The following KMO variants were observed in gnomAD, a reference collection of about 807,000 sequenced individuals.
KMO encodes kynurenine 3-monooxygenase, also known as kynurenine 3-hydroxylase.
A neutral mutation model predicts 57.8 loss-of-function variants in KMO; 24 were observed. The ratio of observed to expected loss-of-function variants is 0.42; its 90% CI spans 0.30 to 0.58. The LOEUF (loss-of-function observed/expected upper bound fraction) is 0.58, where lower values mean the gene tolerates loss of function less well. Among genes scored for constraint, KMO ranks in the 20% least tolerant of loss-of-function variants. The pLI, the probability that KMO is intolerant of heterozygous loss-of-function variation, is 0.22. For synonymous variants in KMO, 210 were observed against 193.6 expected, an observed-to-expected ratio of 1.08 and a Z score of -0.70; for missense variants, 483 against 588.2, an observed-to-expected ratio of 0.82 and a Z score of 1.85.
chr1:241,590,616 G>T (rs1037186792), intron 14 of KMO, among the ~76,000 whole-genome samples: 1 of 152,180 alleles, frequency 6.6e-6, no homozygotes, highest in African/African-American at 2.4e-5. Context: ...ACTTTTAAAA[G>T]ATCTATTCCA....
chr1:241,590,852 A>C (rs10926523), intron 14 of KMO, among the ~76,000 whole-genome samples: 19,529 of 152,176 alleles, frequency 0.13, 1,547 homozygotes, highest in East Asian at 0.22. Context: ...AGACAGTGGC[A>C]CTGGAGAGAG....
At chr1:241,579,836 G>A (rs993696726) in intron 10 of KMO, among the ~76,000 whole-genome samples, 2 of 152,156 alleles carry the variant, frequency 1.3e-5, no homozygotes, top group African/African-American at 4.8e-5. Flanking sequence ...TTAGTTGGGA[G>A]CTTCTCTCAA....
At chr1:241,533,623 T>G (rs1479115818) in intron 1 of KMO, among the ~76,000 whole-genome samples, 1 of 152,196 alleles carries the variant, frequency 6.6e-6, no homozygotes, top group Admixed American at 6.5e-5. Context: ...AAAATGAGAA[T>G]TCATGTGTTC....
At chr1:241,551,423 C>A (rs1661388816) in intron 4 of KMO, among the ~76,000 whole-genome samples, 1 of 152,132 alleles carries the variant, frequency 6.6e-6, no homozygotes, top group South Asian at 2.1e-4. Flanking sequence ...GATGTTGTTG[C>A]CCTTCCCTAA....
At chr1:241,563,261 C>T (rs1661947108) in intron 7 of KMO, among the ~76,000 whole-genome samples, 1 of 152,040 alleles carries the variant, frequency 6.6e-6, no homozygotes, top group Admixed American at 6.6e-5. Flanking sequence ...AGTGTAGGAA[C>T]TTGTTAAGAA....
rs3830979 is a variant in KMO at position 241,588,957 on chromosome 1, A to AAC, written c.1098+139_1098+140dup. The AAC allele has an allele frequency of 4.0e-3, 2,561 of 645,598 alleles. 36 individuals carry two copies. The highest frequency in any genetic ancestry group is 0.031 in the South Asian group (1,635 of 53,584). 40.0% of individuals were successfully genotyped at this position (645,598 alleles called of 1,614,324 possible). ...ATATAAGAATACCTACAGATAAGAAAACACACACACACATAGCATTCCTTA... is the reference window on the plus strand; with the variant it reads ...ATATAAGAATACCTACAGATAAGAAAACACACACACACACATAGCATTCCTTA... On this transcript the variant is annotated intron_variant, in intron 12 of 14. Coordinates refer to ENST00000366559, the MANE Select transcript of KMO (RefSeq NM_003679.5).
chr1:241,556,835 G>A (rs925810512), intron 5 of KMO, among the ~76,000 whole-genome samples: 2 of 152,110 alleles, frequency 1.3e-5, no homozygotes, highest in African/African-American at 4.8e-5. Flanking sequence ...GTTGCAGTGA[G>A]CCGAGATCAT....
At position 241,560,745 on chromosome 1, in the gene KMO, G is replaced by C; in HGVS notation, c.442G>C (p.Val148Leu). 6.2e-7 allele frequency: 1 copy of C among 1,611,712 alleles called. No homozygotes were observed. Among genetic ancestry groups the C allele is most frequent in the East Asian group, 2.2e-5 (1 of 44,862 alleles). ...TAATCCAGAGGAAGGAATGATCACAGTGCTTGGGTAACTACGGGTCAGGTT... is the reference window on the plus strand; with the variant it reads ...TAATCCAGAGGAAGGAATGATCACACTGCTTGGGTAACTACGGGTCAGGTT... ...KCNPEEGMIT[V>L]LGSDKVPKDV... Residue 148 changes from valine (V) to leucine (L), a missense_variant, in exon 6 of 15, where the codon GTG becomes CTG. Coordinates refer to ENST00000366559, the MANE Select transcript of KMO (RefSeq NM_003679.5).
At chr1:241,553,932 A>G (rs1216488004) in intron 4 of KMO, among the ~76,000 whole-genome samples, 1 of 152,174 alleles carries the variant, frequency 6.6e-6, no homozygotes, top group East Asian at 1.9e-4. Context: ...GTATACTTCT[A>G]CTTTTGGATG....
intron 10 of KMO, among the ~76,000 whole-genome samples, chr1:241,581,131 A>G (rs1039275688): frequency 4.6e-5 from 7 of 152,128 alleles, no homozygotes; most frequent in African/African-American, 7.2e-5. Context: ...TTTGTCTCAT[A>G]TAAGTATAGC....
chr1:241,536,790 A>G (rs755522557), intron 1 of KMO, among the ~76,000 whole-genome samples: 20 of 151,966 alleles, frequency 1.3e-4, no homozygotes, highest in Non-Finnish European at 2.6e-4. Context: ...GGGTGAGGAG[A>G]TTTGTACGTA....
At position 241,576,880 on chromosome 1, in the gene KMO, G is replaced by T. The variant is rs113829918; in HGVS notation, c.957+8233G>T. On this transcript the variant is annotated intron_variant, in intron 10 of 14. Transcript: ENST00000366559. The stretch of plus-strand genomic sequence containing the variant: ...CCCTCAGGAACATCAATTATTCTTA[G>T]ATTTGGCCATTTTACATAATCCCAT... Among the ~76,000 whole-genome samples, 338 of 152,138 alleles carry T rather than the reference G, an allele frequency of 2.2e-3. 2 individuals are homozygous for T. The highest frequency in any genetic ancestry group is 7.2e-3 in the African/African-American group (301 of 41,548).
intron 11 of KMO, 104 bp from the exon 12 acceptor site, chr1:241,588,644 A>G (rs1558432622): frequency 1.4e-6 from 1 of 704,756 alleles, no homozygotes; most frequent in Non-Finnish European, 2.5e-6. Flanking sequence ...GTTTAAAAAA[A>G]TTAGCGAGAG....
chr1:241,558,628 C>T (rs1051218229), intron 5 of KMO, among the ~76,000 whole-genome samples: 1 of 152,096 alleles, frequency 6.6e-6, no homozygotes, highest in South Asian at 2.1e-4. Context: ...TTGCATCAAA[C>T]AAGTTTTCAG....
chr1:241,592,193 G>A lies in KMO; in HGVS notation c.*40G>A. ...GGTAGCAAATGCATGATTTCTCTGT[G>A]ACCAAAATTAAGCATGAAAAAAATG... On this transcript the variant is annotated 3_prime_UTR_variant, in exon 15 of 15. Coordinates refer to ENST00000366559, the MANE Select transcript of KMO (RefSeq NM_003679.5). 6.7e-7 allele frequency: 1 copy of A among 1,492,790 alleles called. No individual in the cohort carries two copies. The highest frequency in any genetic ancestry group is 9.3e-7 in the Non-Finnish European group (1 of 1,075,998). 92.5% of individuals were successfully genotyped at this position (1,492,790 alleles called of 1,614,324 possible). A position where few individuals can be genotyped will look rare whatever the true frequency, so the allele number is the denominator to read the frequency against.
chr1:241,552,604 G>C lies in KMO; in HGVS notation c.312+1560G>C, dbSNP rs565240818. Among the ~76,000 whole-genome samples, 8 of 152,200 alleles carry C rather than the reference G, an allele frequency of 5.3e-5. 1 individual carries two copies. The South Asian group carries it at 1.7e-3, about 32-fold the overall frequency. On this transcript the variant is annotated intron_variant, in intron 4 of 14. Transcript: ENST00000366559. ...ATTGGCCGTGTACCATGGTGGTCCG[G>C]ATTTGAAATATATCTCCTCCACCAA...
At chr1:241,556,383 C>T (rs931579904) in intron 5 of KMO, among the ~76,000 whole-genome samples, 1 of 152,172 alleles carries the variant, frequency 6.6e-6, no homozygotes, top group Non-Finnish European at 1.5e-5. Flanking sequence ...GATTCTCCCA[C>T]CTCAGACTCC....
chr1:241,594,772 G>A lies in KMO; in HGVS notation c.*2619G>A, dbSNP rs1238087876. 2 of 1,510,294 alleles carry A rather than the reference G, an allele frequency of 1.3e-6. No individual in the cohort carries two copies. The highest frequency in any genetic ancestry group is 1.3e-5 in the South Asian group (1 of 77,384). The allele number at this position is 1,510,294 out of a possible 1,614,324, so 93.6% of individuals were successfully genotyped here. ...ATTAACATTCGAGGAAATCAGTTGA[G>A]CTGAATTTAAGTTGTTTTTTGTTTG... On this transcript the variant is annotated 3_prime_UTR_variant, in exon 15 of 15. Coordinates refer to ENST00000366559, the MANE Select transcript of KMO (RefSeq NM_003679.5).
chr1:241,549,576 T>C (rs1661320969), intron 2 of KMO, 101 bp from the exon 3 acceptor site: 5 of 591,256 alleles, frequency 8.5e-6, no homozygotes, highest in South Asian at 5.3e-5. Flanking sequence ...AGTTCTTTAA[T>C]GTGGTTCCGA....
Sources: allele counts gnomAD v4.1 joint callset (sites outside exome capture counted in the v4.1 genomes callset), GRCh38; gene constraint gnomAD v4.1.1; transcripts MANE v1.5; gene names NCBI Gene and HGNC (gene_info 2026-07-23, HGNC 2026-07-21).